The following PURA variants were observed in gnomAD, a reference collection of about 807,000 sequenced individuals.
PURA encodes transcriptional activator protein Pur-alpha.
PURA carries 2 observed loss-of-function variants against 23.1 expected under a neutral mutation model. The observed-to-expected ratio is 0.09, with a 90% CI of 0.04 to 0.27. The LOEUF (loss-of-function observed/expected upper bound fraction) is 0.27. PURA is among the 10% of genes least tolerant of loss of function. The pLI is 1.00. For missense variants in PURA, 187 were observed against 449.7 expected (o/e 0.42, Z 5.28); for synonymous variants, 254 against 205.9 (o/e 1.23, Z -2.00).
In PURA at chr5:140,117,190, C is replaced by T. The variant is rs140630230; in HGVS notation, c.*2040C>T. The T allele has an allele frequency of 2.1e-3, 343 of 167,030 alleles. 2 individuals are homozygous for T. The highest frequency in any genetic ancestry group is 3.4e-3 in the Middle Eastern group (1 of 296). The allele number at this position is 167,030 out of a possible 1,614,324, so 10.3% of individuals were successfully genotyped here. A position where few individuals can be genotyped will look rare whatever the true frequency, so the allele number is the denominator to read the frequency against. On this transcript the variant is annotated 3_prime_UTR_variant, in exon 1 of 1. Coordinates refer to ENST00000331327, the MANE Select transcript of PURA (RefSeq NM_005859.5). ...TATTCAATGTTAAATATGAGGTGAC[C>T]GTACAGTAGTTAGGAGTTTCTTTAC...
rs1360000023 is a variant in PURA, at chr5:140,123,119, A to G, written c.*7969A>G. 3 of 166,904 alleles carry G rather than the reference A, an allele frequency of 1.8e-5. No homozygotes were observed. Among genetic ancestry groups the G allele is most frequent in the Non-Finnish European group, 4.4e-5 (3 of 68,020 alleles). The allele number at this position is 166,904 out of a possible 1,614,324, so 10.3% of individuals were successfully genotyped here. A position where few individuals can be genotyped will look rare whatever the true frequency, so the allele number is the denominator to read the frequency against. ...TTCACATTTTATTGTGTCAGATTTTAAATTATAATAGTTATATACTATAAC... is the reference window on the plus strand; with the variant it reads ...TTCACATTTTATTGTGTCAGATTTTGAATTATAATAGTTATATACTATAAC... On this transcript the variant is annotated 3_prime_UTR_variant, in exon 1 of 1. Coordinates refer to ENST00000331327, the MANE Select transcript of PURA (RefSeq NM_005859.5).
Position 140,116,941 on chromosome 5 carries a change from C to T in PURA, c.*1791C>T, listed in dbSNP as rs1192673755. ...ATGTATAAGACACCACCTGTAGGAG[C>T]GGGAAGGTATCAGTGCTTCTTATAT... On this transcript the variant is annotated 3_prime_UTR_variant, in exon 1 of 1. Transcript: ENST00000331327. 3 of 166,506 alleles carry T rather than the reference C, an allele frequency of 1.8e-5. No homozygotes were observed. The highest frequency in any genetic ancestry group is 4.8e-5 in the African/African-American group (2 of 41,246). 10.3% of individuals were successfully genotyped at this position (166,506 alleles called of 1,614,324 possible).
rs1217335740 is a variant in PURA at position 140,115,272 on chromosome 5, A to C, written c.*122A>C. The C allele has an allele frequency of 4.7e-5, 35 of 747,814 alleles. No individual in the cohort carries two copies. Among genetic ancestry groups the C allele is most frequent in the Admixed American group, 1.5e-4 (4 of 26,412 alleles). 46.3% of individuals were successfully genotyped at this position (747,814 alleles called of 1,614,324 possible). A position where few individuals can be genotyped will look rare whatever the true frequency, so the allele number is the denominator to read the frequency against. Reference sequence around the variant, plus strand: ...AAAAGTTAAAAAGTTAAAAAAAAAAAAAAACCTGTTAACTCCAAGGGAGCA... The same window carrying C: ...AAAAGTTAAAAAGTTAAAAAAAAAACAAAACCTGTTAACTCCAAGGGAGCA... On this transcript the variant is annotated 3_prime_UTR_variant, in exon 1 of 1. Coordinates refer to ENST00000331327, the MANE Select transcript of PURA (RefSeq NM_005859.5). The surrounding 1 kb of genome is among the most constrained non-coding windows in gnomAD (Gnocchi z 4.1).
chr5:140,115,953 TAAA>T lies in PURA; in HGVS notation c.*807_*809del, dbSNP rs1763072952. ...ACTTCTGTGAACATGAAGAAATTAT[TAAA>T]AAAGGCATTTAAATGAAATTTGCTA... On this transcript the variant is annotated 3_prime_UTR_variant, in exon 1 of 1. Transcript: ENST00000331327. The surrounding 1 kb of genome is among the most constrained non-coding windows in gnomAD (Gnocchi z 4.1). 6.0e-6 allele frequency: 1 copy of T among 167,030 alleles called. No individual in the cohort carries two copies. The highest frequency in any genetic ancestry group is 1.5e-5 in the Non-Finnish European group (1 of 68,100). The allele number at this position is 167,030 out of a possible 1,614,324, so 10.3% of individuals were successfully genotyped here. A position where few individuals can be genotyped will look rare whatever the true frequency, so the allele number is the denominator to read the frequency against.
chr5:140,115,170 C>T lies in PURA; in HGVS notation c.*20C>T, dbSNP rs771630896. On this transcript the variant is annotated 3_prime_UTR_variant, in exon 1 of 1. Transcript: ENST00000331327. The surrounding 1 kb of genome is among the most constrained non-coding windows in gnomAD (Gnocchi z 4.1). Reference sequence around the variant, plus strand: ...GATTGATCAAACTGAATGAAACCCCCACACACACACACATGCATACACACA... The same window carrying T: ...GATTGATCAAACTGAATGAAACCCCTACACACACACACATGCATACACACA... The T allele has an allele frequency of 3.1e-6, 4 of 1,269,984 alleles. No homozygotes were observed. Among genetic ancestry groups the T allele is most frequent in the Non-Finnish European group, 3.2e-6 (3 of 926,584 alleles). The allele number at this position is 1,269,984 out of a possible 1,614,324, so 78.7% of individuals were successfully genotyped here.
chr5:140,114,643 G>T lies in PURA; in HGVS notation c.462G>T (p.Lys154Asn). The T allele has an allele frequency of 6.2e-7, 1 of 1,610,930 alleles. No individual in the cohort carries two copies. The change falls in exon 1 of 1, where the codon AAG becomes AAT. Residue 154 changes from lysine (K) to asparagine (N), a missense_variant. Physicochemically the swap from Lys to Asn is moderately conservative, Grantham distance 94. Around this residue, in one of 9 missense-constraint regions of PURA, gnomAD observed 1 missense variants for 36.2 expected, o/e 0.03. Coordinates refer to ENST00000331327, the MANE Select transcript of PURA (RefSeq NM_005859.5). ...KSEFLVRENRKYYMDLKENQR... is the reference protein window; with the variant it reads ...KSEFLVRENRNYYMDLKENQR... ...AGTTCCTGGTGCGCGAGAACCGCAA[G>T]TACTACATGGATCTCAAGGAGAACC...
chr5:140,115,322 GAC>G lies in PURA; in HGVS notation c.*174_*175del. On this transcript the variant is annotated 3_prime_UTR_variant, in exon 1 of 1. Transcript: ENST00000331327. This position sits in a 1 kb window ranked among gnomAD's most constrained non-coding sequence, Gnocchi z 4.1. ...ACCACCCACAGAACCTCCACCAACT[GAC>G]AGTTTCTCTTCTTGACTTGCCACCC... 2 of 458,266 alleles carry G rather than the reference GAC, an allele frequency of 4.4e-6. No homozygotes were observed. Among genetic ancestry groups the G allele is most frequent in the Middle Eastern group, 6.0e-4 (1 of 1,664 alleles). The allele number at this position is 458,266 out of a possible 1,614,324, so 28.4% of individuals were successfully genotyped here. A position where few individuals can be genotyped will look rare whatever the true frequency, so the allele number is the denominator to read the frequency against.
rs1763164215 is a variant in PURA at position 140,122,476 on chromosome 5, C to CT, written c.*7327dup. On this transcript the variant is annotated 3_prime_UTR_variant, in exon 1 of 1. Coordinates refer to ENST00000331327, the MANE Select transcript of PURA (RefSeq NM_005859.5). ...GAAGACAATAAACCAGGTAAAAACA[C>CT]TAACTTGCAATTTTAGGTGTCTTTT... 1 of 166,818 alleles carries CT rather than the reference C, an allele frequency of 6.0e-6. No individual in the cohort carries two copies. Among genetic ancestry groups the CT allele is most frequent in the Non-Finnish European group, 1.5e-5 (1 of 67,992 alleles). The allele number at this position is 166,818 out of a possible 1,614,324, so 10.3% of individuals were successfully genotyped here.
chr5:140,115,244 ATAAAAAGT>A lies in PURA; in HGVS notation c.*109_*116del, dbSNP rs1198239824. ...AATATACTGTAAAGAAAGAGAGAAA[ATAAAAAGT>A]TAAAAAGTTAAAAAAAAAAAAAAAC... On this transcript the variant is annotated 3_prime_UTR_variant, in exon 1 of 1. Coordinates refer to ENST00000331327, the MANE Select transcript of PURA (RefSeq NM_005859.5). This position sits in a 1 kb window ranked among gnomAD's most constrained non-coding sequence, Gnocchi z 4.1. The A allele has an allele frequency of 1.1e-5, 9 of 844,646 alleles. No homozygotes were observed. Among genetic ancestry groups the A allele is most frequent in the African/African-American group, 5.3e-5 (3 of 56,130 alleles). 52.3% of individuals were successfully genotyped at this position (844,646 alleles called of 1,614,324 possible).
In PURA at chr5:140,114,169, G is replaced by A; in HGVS notation, c.-13G>A. 1 of 690,338 alleles carries A rather than the reference G, an allele frequency of 1.4e-6. No individual in the cohort carries two copies. The highest frequency in any genetic ancestry group is 2.0e-6 in the Non-Finnish European group (1 of 505,640). 42.8% of individuals were successfully genotyped at this position (690,338 alleles called of 1,614,324 possible). A position where few individuals can be genotyped will look rare whatever the true frequency, so the allele number is the denominator to read the frequency against. ...CGGCAGGCGGCGGCGGCGCGGCAGC[G>A]GAGCGCAGCATCATGGCGGACCGAG... On this transcript the variant is annotated 5_prime_UTR_variant, in exon 1 of 1. Transcript: ENST00000331327.
rs1412217150 is a variant in PURA, at chr5:140,124,960, A to G, written c.*9810A>G. 6.0e-6 allele frequency: 1 copy of G among 167,064 alleles called. No homozygotes were observed. The highest frequency in any genetic ancestry group is 1.5e-5 in the Non-Finnish European group (1 of 68,114). The allele number at this position is 167,064 out of a possible 1,614,324, so 10.3% of individuals were successfully genotyped here. A position where few individuals can be genotyped will look rare whatever the true frequency, so the allele number is the denominator to read the frequency against. On this transcript the variant is annotated 3_prime_UTR_variant, in exon 1 of 1. Coordinates refer to ENST00000331327, the MANE Select transcript of PURA (RefSeq NM_005859.5). ...TTATTTTCCCAATGTGAATAAAGGG[A>G]AAAGATCAGCAATTTGTCCCTGGCC...
rs1338723776 is a variant in PURA, at chr5:140,123,513, A to G, written c.*8363A>G. 3 of 166,570 alleles carry G rather than the reference A, an allele frequency of 1.8e-5. No individual in the cohort carries two copies. The highest frequency in any genetic ancestry group is 4.4e-5 in the Non-Finnish European group (3 of 68,076). 10.3% of individuals were successfully genotyped at this position (166,570 alleles called of 1,614,324 possible). A position where few individuals can be genotyped will look rare whatever the true frequency, so the allele number is the denominator to read the frequency against. On this transcript the variant is annotated 3_prime_UTR_variant, in exon 1 of 1. Coordinates refer to ENST00000331327, the MANE Select transcript of PURA (RefSeq NM_005859.5). ...TAATTTCTTGCAGAATTGTGTTTTC[A>G]ATATTCCACCCAAAGCAAAAATTAT...
At position 140,120,710 on chromosome 5, in the gene PURA, T is replaced by C. The variant is rs993653911; in HGVS notation, c.*5560T>C. ...AACCAGATGAAATAAGAAATAATGA[T>C]TGGTTTCAAGCCAATGAATCTGCTA... On this transcript the variant is annotated 3_prime_UTR_variant, in exon 1 of 1. Transcript: ENST00000331327. 6.0e-6 allele frequency: 1 copy of C among 166,648 alleles called. No individual in the cohort carries two copies. Among genetic ancestry groups the C allele is most frequent in the Non-Finnish European group, 1.5e-5 (1 of 67,936 alleles). The allele number at this position is 166,648 out of a possible 1,614,324, so 10.3% of individuals were successfully genotyped here.
Position 140,114,367 on chromosome 5 carries a change from C to T in PURA, c.186C>T (p.Ala62=), listed in dbSNP as rs963675770. Residue 62 remains alanine (A), a synonymous_variant, in exon 1 of 1, where the codon GCC becomes GCT. Transcript: ENST00000331327. ...GGLQHETQEL[A]SKRVDIQNKR... The stretch of plus-strand genomic sequence containing the variant: ...TGCAGCACGAGACGCAGGAGCTGGC[C>T]TCCAAGCGGGTGGACATCCAGAACA... 1 of 1,605,196 alleles carries T rather than the reference C, an allele frequency of 6.2e-7. No homozygotes were observed. The highest frequency in any genetic ancestry group is 1.3e-5 in the African/African-American group (1 of 74,564).
rs1385259895 is a variant in PURA at position 140,114,945 on chromosome 5, A to G, written c.764A>G (p.Asn255Ser). The G allele has an allele frequency of 1.9e-6, 3 of 1,614,216 alleles. No homozygotes were observed. The highest frequency in any genetic ancestry group is 2.5e-6 in the Non-Finnish European group (3 of 1,180,036). ...AGCGAGGTGAAGCCCACCTATCGCAACTCCATCACCGTGCCCTACAAGGTG... is the reference window on the plus strand; with the variant it reads ...AGCGAGGTGAAGCCCACCTATCGCAGCTCCATCACCGTGCCCTACAAGGTG... Reference protein sequence around the residue: ...RVSEVKPTYRNSITVPYKVWA... With the variant: ...RVSEVKPTYRSSITVPYKVWA... Residue 255 changes from asparagine (N) to serine (S), a missense_variant, in exon 1 of 1, where the codon AAC becomes AGC. Asn to Ser is a conservative substitution (Grantham distance 46). Around this residue, in one of 9 missense-constraint regions of PURA, gnomAD observed 65 missense variants for 158.6 expected, o/e 0.41. Coordinates refer to ENST00000331327, the MANE Select transcript of PURA (RefSeq NM_005859.5).
chr5:140,124,185 A>G lies in PURA; in HGVS notation c.*9035A>G, dbSNP rs566429412. ...AATTTAAAAATTGATAGTTTTATCAATGGAACAGAGAGATGTGTTTTTGGC... is the reference window on the plus strand; with the variant it reads ...AATTTAAAAATTGATAGTTTTATCAGTGGAACAGAGAGATGTGTTTTTGGC... On this transcript the variant is annotated 3_prime_UTR_variant, in exon 1 of 1. Coordinates refer to ENST00000331327, the MANE Select transcript of PURA (RefSeq NM_005859.5). The G allele has an allele frequency of 1.8e-5, 3 of 167,200 alleles. No homozygotes were observed. The highest frequency in any genetic ancestry group is 2.1e-4 in the South Asian group (1 of 4,828). 10.4% of individuals were successfully genotyped at this position (167,200 alleles called of 1,614,324 possible).
Position 140,114,979 on chromosome 5 carries a change from G to A in PURA, c.798G>A (p.Lys266=). 1 of 1,614,246 alleles carries A rather than the reference G, an allele frequency of 6.2e-7. No homozygotes were observed. Among genetic ancestry groups the A allele is most frequent in the Non-Finnish European group, 8.5e-7 (1 of 1,180,050 alleles). Residue 266 remains lysine (K), a synonymous_variant, in exon 1 of 1, where the codon AAG becomes AAA. Transcript: ENST00000331327. ...SITVPYKVWA[K]FGHTFCKYSE... is the part of the protein sequence containing the mutation. ...CCGTGCCCTACAAGGTGTGGGCCAA[G>A]TTCGGACACACCTTCTGCAAGTACT...
Position 140,114,475 on chromosome 5 carries a change from C to T in PURA, c.294C>T (p.Ser98=), listed in dbSNP as rs761397894. 1.2e-6 allele frequency: 2 copies of T among 1,612,424 alleles called. No individual in the cohort carries two copies. Among genetic ancestry groups the T allele is most frequent in the African/African-American group, 1.3e-5 (1 of 74,884 alleles). The change falls in exon 1 of 1, where the codon AGC becomes AGT. Residue 98 remains serine (S), a synonymous_variant. Coordinates refer to ENST00000331327, the MANE Select transcript of PURA (RefSeq NM_005859.5). ...AGGTGGGCGCGGGCGGCAACAAGAG[C>T]CGCCTTACTCTCTCCATGTCAGTGG... ...IAEVGAGGNK[S]RLTLSMSVAV...
chr5:140,120,219 C>T lies in PURA; in HGVS notation c.*5069C>T, dbSNP rs1044207408. The T allele has an allele frequency of 3.6e-5, 6 of 166,554 alleles. No individual in the cohort carries two copies. The highest frequency in any genetic ancestry group is 1.5e-4 in the African/African-American group (6 of 41,352). 10.3% of individuals were successfully genotyped at this position (166,554 alleles called of 1,614,324 possible). On this transcript the variant is annotated 3_prime_UTR_variant, in exon 1 of 1. Transcript: ENST00000331327. Reference sequence around the variant, plus strand: ...GGAGAGAGATGTATACACACACATACACATATATATGTATATATACATTGT... The same window carrying T: ...GGAGAGAGATGTATACACACACATATACATATATATGTATATATACATTGT...
Sources: gnomAD v4.1 joint callset for allele counts on GRCh38, gnomAD v4.1.1 for gene constraint, gnomAD v4.1.1 regional missense constraint, Gnocchi (gnomAD v3.1) non-coding constraint, MANE v1.5 for transcripts, NCBI Gene and HGNC (gene_info 2026-07-23, HGNC 2026-07-21) for gene names.